Variants in PKIB observed in about 807,000 individuals in gnomAD.
PKIB encodes cAMP-dependent protein kinase inhibitor beta.
Under a neutral mutation model 4.5 loss-of-function variants are expected in PKIB, and 2 were observed. That is an observed-to-expected ratio of 0.44 (90% CI 0.18 to 1.39). PKIB has a LOEUF of 1.39. PKIB is among the 40% of genes most tolerant of loss of function. PKIB has a pLI of 0.27. For missense variants in PKIB, 94 were observed against 92.6 expected, an observed-to-expected ratio of 1.02 and a Z score of -0.06; for synonymous variants, 38 against 36.0, an observed-to-expected ratio of 1.06 and a Z score of -0.20.
intron 3 of PKIB, among the ~76,000 whole-genome samples, chr6:122,602,604 C>G (rs529015000): frequency 6.6e-6 from 1 of 151,732 alleles, no homozygotes; most frequent in Non-Finnish European, 1.5e-5. Context: ...AACAAACTAA[C>G]AAAAAATCCT....
At chr6:122,529,635 T>C (rs549643598) in intron 2 of PKIB, among the ~76,000 whole-genome samples, 83 of 152,286 alleles carry the variant, frequency 5.5e-4, no homozygotes, top group Admixed American at 1.0e-3. Flanking sequence ...CTCCCTCACC[T>C]TTTGCTTGGT....
Position 122,598,940 on chromosome 6 carries a change from C to T in PKIB, c.-161+12933C>T, listed in dbSNP as rs118169046. On this transcript the variant is annotated intron_variant, in intron 3 of 6. Coordinates refer to the PKIB transcript ENST00000392491. Reference sequence around the variant, plus strand: ...ATCCCATACCCCTAATATCCATTCCCATGCCTGTTCTCCAGATTTGTGTTT... The same window carrying T: ...ATCCCATACCCCTAATATCCATTCCTATGCCTGTTCTCCAGATTTGTGTTT... 4.9e-3 allele frequency among the ~76,000 whole-genome samples: 740 copies of T among 152,276 alleles called. 4 individuals carry two copies. The highest frequency in any genetic ancestry group is 5.6e-3 in the Non-Finnish European group (380 of 68,030).
At chr6:122,485,949 T>C (rs1194159260) in intron 2 of PKIB, among the ~76,000 whole-genome samples, 2 of 152,226 alleles carry the variant, frequency 1.3e-5, no homozygotes, top group Non-Finnish European at 2.9e-5. Context: ...TTACAACATA[T>C]GTCTTTTCTT....
At chr6:122,584,174 G>C (rs1334991574) in intron 2 of PKIB, among the ~76,000 whole-genome samples, 1 of 152,056 alleles carries the variant, frequency 6.6e-6, no homozygotes, top group African/African-American at 2.4e-5. Flanking sequence ...AAATATATGA[G>C]AAAAGGGGAG....
intron 2 of PKIB, among the ~76,000 whole-genome samples, chr6:122,569,356 C>A (rs372009975): frequency 7.2e-5 from 11 of 152,290 alleles, no homozygotes; most frequent in African/African-American, 2.6e-4. Flanking sequence ...GGAGGCCAAC[C>A]AAAACAGTCC....
intron 2 of PKIB, among the ~76,000 whole-genome samples, chr6:122,655,764 A>G (rs990714235): frequency 2.0e-5 from 3 of 152,202 alleles, no homozygotes; most frequent in African/African-American, 7.2e-5. Context: ...CATAAAAACA[A>G]CTTACTTTTT....
At chr6:122,670,498 T>TTTGTTGTTGTTGTTGTTGTTG (rs61201088) in intron 2 of PKIB, among the ~76,000 whole-genome samples, 77 of 151,230 alleles carry the variant, frequency 5.1e-4, no homozygotes, top group Non-Finnish European at 9.3e-4. Context: ...ATCACATGTT[T>TTTGTTGTTGTTGTTGTTGTTG]TTGTTGTTGT....
At chr6:122,607,148 G>A (rs1417320295), upstream of PKIB, among the ~76,000 whole-genome samples, 2 of 151,592 alleles carry the variant, frequency 1.3e-5, no homozygotes, top group Admixed American at 6.6e-5. Context: ...GCAGGGACAG[G>A]GGAGCATTAA....
intron 3 of PKIB, among the ~76,000 whole-genome samples, chr6:122,683,459 C>G (rs1582808719): frequency 1.3e-5 from 2 of 152,212 alleles, no homozygotes; most frequent in South Asian, 2.1e-4. Flanking sequence ...GAATTCACCC[C>G]CCATGATCCA....
intron 2 of PKIB, among the ~76,000 whole-genome samples, chr6:122,674,043 A>G (rs1449756615): frequency 2.0e-5 from 3 of 152,178 alleles, no homozygotes; most frequent in Non-Finnish European, 2.9e-5. Flanking sequence ...GGTGACAGAA[A>G]TAAAGCACAG....
rs1429133448 is a variant in PKIB at position 122,660,321 on chromosome 6, C to T, written c.-75-14757C>T. Among the ~76,000 whole-genome samples the T allele has an allele frequency of 3.3e-5, 5 of 152,034 alleles. No individual in the cohort carries two copies. The South Asian group carries it at 6.2e-4, about 19-fold the overall frequency. The stretch of plus-strand genomic sequence containing the variant: ...TAGGCTGAATCCAGAGACCTAATTA[C>T]ACTTTCACTCTTCATCTCAGCAACT... On this transcript the variant is annotated intron_variant, in intron 2 of 4. Coordinates refer to ENST00000368452, the MANE Select transcript of PKIB (RefSeq NM_181795.3).
intron 2 of PKIB, among the ~76,000 whole-genome samples, chr6:122,646,113 G>A (rs1776306322): frequency 6.6e-6 from 1 of 152,080 alleles, no homozygotes; most frequent in East Asian, 1.9e-4. Context: ...TTTATCCTTA[G>A]GAAGAGGTTA....
At chr6:122,613,117 CAAGACTA>C (rs1216487202) in intron 1 of PKIB, among the ~76,000 whole-genome samples, 1 of 152,044 alleles carries the variant, frequency 6.6e-6, no homozygotes, top group Admixed American at 6.6e-5. Flanking sequence ...CAGGCTTAAT[CAAGACTA>C]AATTTTCATT....
chr6:122,595,419 A>T (rs1774148400), intron 3 of PKIB, among the ~76,000 whole-genome samples: 1 of 152,188 alleles, frequency 6.6e-6, no homozygotes, highest in African/African-American at 2.4e-5. Context: ...TTTAGCCATA[A>T]GGTGAGTGCC....
intron 4 of PKIB, 149 bp from the exon 5 acceptor site, chr6:122,724,979 C>T: frequency 1.6e-6 from 1 of 618,618 alleles, no homozygotes; most frequent in African/African-American, 1.9e-5. Flanking sequence ...CCCAAACCTA[C>T]TCATATCGCT....
chr6:122,485,775 C>G (rs1399730187), intron 2 of PKIB, among the ~76,000 whole-genome samples: 1 of 152,154 alleles, frequency 6.6e-6, no homozygotes, highest in African/African-American at 2.4e-5. Context: ...TTGAATGTTG[C>G]ATCTGTTGAA....
chr6:122,645,682 G>C (rs201613628), intron 2 of PKIB, among the ~76,000 whole-genome samples: 3 of 152,232 alleles, frequency 2.0e-5, no homozygotes, highest in East Asian at 1.9e-4. Flanking sequence ...ATCTTGGAGG[G>C]AGTAGTGAAC....
chr6:122,524,439 G>A (rs690862), intron 2 of PKIB, among the ~76,000 whole-genome samples: 121,700 of 151,174 alleles, frequency 0.81, 49,148 homozygotes, highest in South Asian at 0.92. Context: ...CATTGTCATC[G>A]TCATCGTAGT....
At chr6:122,509,655 T>C (rs1776526641) in intron 2 of PKIB, among the ~76,000 whole-genome samples, 1 of 151,972 alleles carries the variant, frequency 6.6e-6, no homozygotes, top group Non-Finnish European at 1.5e-5. Flanking sequence ...ATGGTGTCGA[T>C]CTCCTGACCT....
Sources: allele counts gnomAD v4.1 joint callset (sites outside exome capture counted in the v4.1 genomes callset), GRCh38; gene constraint gnomAD v4.1.1; transcripts MANE v1.5; gene names NCBI Gene and HGNC (gene_info 2026-07-23, HGNC 2026-07-21).